The following CACNG3 variants were observed in gnomAD, a reference collection of about 807,000 sequenced individuals.
The protein encoded by CACNG3 is voltage-dependent calcium channel gamma-3 subunit.
In CACNG3, 3 loss-of-function variants were observed where a neutral mutation model predicts 28.5. The observed-to-expected ratio is 0.11, with a 90% CI of 0.05 to 0.27. The LOEUF (loss-of-function observed/expected upper bound fraction) is 0.27, where lower values mean the gene tolerates loss of function less well. Among genes scored for constraint, CACNG3 ranks in the 10% least tolerant of loss-of-function variants. CACNG3 has a pLI of 1.00. For synonymous variants in CACNG3, 174 were observed against 162.2 expected, an observed-to-expected ratio of 1.07 and a Z score of -0.55; for missense variants, 236 against 414.4, an observed-to-expected ratio of 0.57 and a Z score of 3.74.
intron 1 of CACNG3, among the ~76,000 whole-genome samples, chr16:24,264,895 C>G (rs1898577332): frequency 6.6e-6 from 1 of 152,266 alleles, no homozygotes; most frequent in South Asian, 2.1e-4. Context: ...AATTGAGACA[C>G]ATCAATAAAC....
intron 1 of CACNG3, among the ~76,000 whole-genome samples, chr16:24,327,530 G>A (rs952706805): frequency 8.1e-6 from 1 of 124,010 alleles, no homozygotes; most frequent in African/African-American, 3.0e-5. Context: ...GAGGTTGGGG[G>A]GATCGTTTGA....
At position 24,346,399 on chromosome 16, in the gene CACNG3, C is replaced by T. The variant is rs115341725; in HGVS notation, c.212-335C>T. Among the ~76,000 whole-genome samples, 243 of 152,178 alleles carry T rather than the reference C, an allele frequency of 1.6e-3. 1 individual carries two copies. The highest frequency in any genetic ancestry group is 5.6e-3 in the African/African-American group (233 of 41,522). ...GCCAGCCTGGGCAAGATAGTGAGAC[C>T]TTTTGTTGTCACTATCAAAAAATGT... is the stretch of plus-strand genomic sequence containing the variant. On this transcript the variant is annotated intron_variant, in intron 1 of 3. Coordinates refer to ENST00000005284, the MANE Select transcript of CACNG3 (RefSeq NM_006539.4).
intron 1 of CACNG3, among the ~76,000 whole-genome samples, chr16:24,273,077 A>C (rs1399455512): frequency 1.3e-5 from 2 of 152,120 alleles, no homozygotes; most frequent in Admixed American, 1.3e-4. Flanking sequence ...GCTCCCACTT[A>C]TCAGTGACAA....
At chr16:24,340,082 C>A (rs1899763463) in intron 1 of CACNG3, among the ~76,000 whole-genome samples, 1 of 152,126 alleles carries the variant, frequency 6.6e-6, no homozygotes, top group Non-Finnish European at 1.5e-5. Context: ...TCTGCCTGAG[C>A]AACATGGCAA....
intron 1 of CACNG3, among the ~76,000 whole-genome samples, chr16:24,327,438 GTATATA>G (rs1217768689): frequency 3.1e-5 from 4 of 127,872 alleles, no homozygotes; most frequent in Admixed American, 1.6e-4. Context: ...GTGTGTGTGT[GTATATA>G]TATATATATA....
At chr16:24,305,699 G>T (rs1252451674) in intron 1 of CACNG3, among the ~76,000 whole-genome samples, 1 of 152,002 alleles carries the variant, frequency 6.6e-6, no homozygotes, top group Non-Finnish European at 1.5e-5. Flanking sequence ...AATACATGCG[G>T]GGTCTACAAC....
At chr16:24,320,792 T>G (rs4787990) in intron 1 of CACNG3, among the ~76,000 whole-genome samples, 13,604 of 152,214 alleles carry the variant, frequency 0.089, 790 homozygotes, top group Admixed American at 0.19. Context: ...CGCAGTGGCA[T>G]GATCACGTCT....
At chr16:24,330,665 C>A (rs889198156) in intron 1 of CACNG3, among the ~76,000 whole-genome samples, 1 of 152,196 alleles carries the variant, frequency 6.6e-6, no homozygotes, top group Non-Finnish European at 1.5e-5. Flanking sequence ...TGCAAGTGGA[C>A]TCAATTTTTC....
intron 1 of CACNG3, among the ~76,000 whole-genome samples, chr16:24,309,434 G>A (rs1899230530): frequency 6.6e-6 from 1 of 152,184 alleles, no homozygotes; most frequent in South Asian, 2.1e-4. Flanking sequence ...GCCACACAAT[G>A]TTTCCAGCAT....
intron 1 of CACNG3, among the ~76,000 whole-genome samples, chr16:24,264,551 G>A (rs936592661): frequency 2.6e-5 from 4 of 152,200 alleles, no homozygotes; most frequent in African/African-American, 9.7e-5. Context: ...CAGAGCGCCT[G>A]GCAATTGATG....
intron 1 of CACNG3, among the ~76,000 whole-genome samples, chr16:24,276,700 G>A (rs1282184013): frequency 6.6e-6 from 1 of 152,170 alleles, no homozygotes; most frequent in African/African-American, 2.4e-5. Flanking sequence ...CACTGAAAAA[G>A]GTGTCTTTGA....
chr16:24,350,600 C>G (rs889427733), intron 2 of CACNG3, among the ~76,000 whole-genome samples: 2 of 152,176 alleles, frequency 1.3e-5, no homozygotes, highest in African/African-American at 4.8e-5. Context: ...CTGTGCCAGG[C>G]CCAAATATCC....
intron 1 of CACNG3, among the ~76,000 whole-genome samples, chr16:24,291,380 T>A (rs1234639953): frequency 6.6e-6 from 1 of 152,172 alleles, no homozygotes; most frequent in Non-Finnish European, 1.5e-5. Flanking sequence ...CATATGACAA[T>A]GCACTTGAAG....
At chr16:24,275,183 G>C (rs1234600409) in intron 1 of CACNG3, among the ~76,000 whole-genome samples, 1 of 139,486 alleles carries the variant, frequency 7.2e-6, no homozygotes, top group African/African-American at 2.6e-5. Context: ...AATACAGCAA[G>C]ACTCCATCTC....
At chr16:24,297,936 G>A (rs1447169691) in intron 1 of CACNG3, among the ~76,000 whole-genome samples, 1 of 151,956 alleles carries the variant, frequency 6.6e-6, no homozygotes, top group Admixed American at 6.6e-5. Flanking sequence ...CTAAATGAGG[G>A]TCCTCAGCCT....
chr16:24,359,566 A>G (rs373160414), intron 3 of CACNG3, among the ~76,000 whole-genome samples: 3 of 152,270 alleles, frequency 2.0e-5, no homozygotes, highest in South Asian at 2.1e-4. Flanking sequence ...GAGAAGTCCT[A>G]TTCAAAATAT....
intron 1 of CACNG3, among the ~76,000 whole-genome samples, chr16:24,265,394 G>A (rs1898590688): frequency 7.1e-6 from 1 of 140,732 alleles, no homozygotes; most frequent in African/African-American, 2.7e-5. Flanking sequence ...AAAGAAAGAA[G>A]AAAGAAAGAA....
chr16:24,355,515 C>A (rs1357892047), intron 3 of CACNG3, among the ~76,000 whole-genome samples: 1 of 152,106 alleles, frequency 6.6e-6, no homozygotes, highest in Non-Finnish European at 1.5e-5. Flanking sequence ...CCCAGGACGT[C>A]AAGGCTGCAG....
At chr16:24,262,754 C>T (rs528923025) in intron 1 of CACNG3, among the ~76,000 whole-genome samples, 1 of 152,366 alleles carries the variant, frequency 6.6e-6, no homozygotes, top group African/African-American at 2.4e-5. Flanking sequence ...CAAACCCAAT[C>T]TTCTACCTGA....
Sources: gnomAD v4.1 joint callset for allele counts (sites outside exome capture counted in the v4.1 genomes callset) on GRCh38, gnomAD v4.1.1 for gene constraint, MANE v1.5 for transcripts, NCBI Gene and HGNC (gene_info 2026-07-23, HGNC 2026-07-21) for gene names.